The following RHEB variants were observed in gnomAD, a reference collection of about 807,000 sequenced individuals.
The protein encoded by RHEB is Ras homolog, mTORC1 binding.
Under a neutral mutation model 28.8 loss-of-function variants are expected in RHEB, and 2 were observed. That is an observed-to-expected ratio of 0.07 (90% CI 0.03 to 0.22). The LOEUF is 0.22. Among genes scored for constraint, RHEB ranks in the 10% least tolerant of loss-of-function variants. RHEB has a pLI of 1.00. For missense variants in RHEB, 76 were observed against 219.9 expected (o/e 0.35, Z 4.14); for synonymous variants, 69 against 77.3 (o/e 0.89, Z 0.56).
At position 151,502,828 on chromosome 7, in the gene RHEB, T is replaced by C. The variant is rs1802796625; in HGVS notation, c.53-11814A>G. 5.0e-6 allele frequency: 6 copies of C among 1,194,636 alleles called. No individual in the cohort carries two copies. In the African/African-American group the frequency reaches 6.0e-5, roughly 12 times the overall value. 74.0% of individuals were successfully genotyped at this position (1,194,636 alleles called of 1,614,324 possible). A position where few individuals can be genotyped will look rare whatever the true frequency, so the allele number is the denominator to read the frequency against. ...TTTCTGGGGACAAAGTGAATGTGGCTGGTCTAGTTTTAGCTGGATCTGCTG... is the reference window on the plus strand; with the variant it reads ...TTTCTGGGGACAAAGTGAATGTGGCCGGTCTAGTTTTAGCTGGATCTGCTG... On this transcript the variant is annotated intron_variant, in intron 1 of 7. Coordinates refer to ENST00000262187, the MANE Select transcript of RHEB (RefSeq NM_005614.4).
In RHEB at chr7:151,518,204, C is replaced by T. The variant is rs1179889045; in HGVS notation, c.52+1256G>A. On this transcript the variant is annotated intron_variant, in intron 1 of 7. Coordinates refer to ENST00000262187, the MANE Select transcript of RHEB (RefSeq NM_005614.4). ...CATCTCTAGCCAAGCTTCTTTCAGC[C>T]CTTAATTTCCCCCCGGCTCTCGACG... 5 of 152,402 alleles carry T rather than the reference C, an allele frequency of 3.3e-5. No homozygotes were observed. In the East Asian group the frequency reaches 9.6e-4, roughly 29 times the overall value. 9.4% of individuals were successfully genotyped at this position (152,402 alleles called of 1,614,324 possible).
chr7:151,472,610 CTTCCGTACT>C lies in RHEB; in HGVS notation c.276-1014_276-1006del. 6.6e-6 allele frequency among the ~76,000 whole-genome samples: 1 copy of C among 152,322 alleles called. No individual in the cohort carries two copies. The highest frequency in any genetic ancestry group is 2.1e-4 in the South Asian group (1 of 4,822). On this transcript the variant is annotated intron_variant, in intron 4 of 7. Transcript: ENST00000262187. This position sits in a 1 kb window ranked among gnomAD's most constrained non-coding sequence, Gnocchi z 5.2. ...CAAATTTCCTTTCCATTTCTTACCCCTTCCGTACTTTATTTTTCTTGGCAGCATGGTCAC... is the reference window on the plus strand; with the variant it reads ...CAAATTTCCTTTCCATTTCTTACCCCTTATTTTTCTTGGCAGCATGGTCAC...
intron 1 of RHEB, among the ~76,000 whole-genome samples, chr7:151,516,903 A>G (rs1369765060): frequency 6.6e-6 from 1 of 152,218 alleles, no homozygotes; most frequent in East Asian, 1.9e-4. Flanking sequence ...TCTCTGGTAC[A>G]GCACCACCAT....
chr7:151,515,831 T>C (rs754440498), intron 1 of RHEB, among the ~76,000 whole-genome samples: 4 of 152,246 alleles, frequency 2.6e-5, no homozygotes, highest in Non-Finnish European at 5.9e-5. Flanking sequence ...AATTGCCTTC[T>C]TCCAAACCAC....
At chr7:151,513,750 T>C (rs1803030083) in intron 1 of RHEB, among the ~76,000 whole-genome samples, 1 of 152,210 alleles carries the variant, frequency 6.6e-6, no homozygotes, top group Non-Finnish European at 1.5e-5. Flanking sequence ...GAAAAACTAT[T>C]CAAGTACTCC....
At chr7:151,482,477 G>A (rs940829001) in intron 3 of RHEB, among the ~76,000 whole-genome samples, 5 of 152,120 alleles carry the variant, frequency 3.3e-5, no homozygotes, top group African/African-American at 9.7e-5. Context: ...GTAACCCCAG[G>A]GCCCACACTC....
chr7:151,476,469 C>T (rs1802274736), intron 4 of RHEB, among the ~76,000 whole-genome samples: 2 of 152,340 alleles, frequency 1.3e-5, no homozygotes, highest in East Asian at 3.9e-4. Context: ...GGAGAGATGG[C>T]TATGAATCCC....
At chr7:151,475,413 T>C (rs1802254849) in intron 4 of RHEB, among the ~76,000 whole-genome samples, 1 of 152,174 alleles carries the variant, frequency 6.6e-6, no homozygotes, top group African/African-American at 2.4e-5. Flanking sequence ...AACAAAACAA[T>C]CTTTGAATCA....
At chr7:151,499,588 A>C (rs1802735179) in intron 1 of RHEB, among the ~76,000 whole-genome samples, 1 of 152,228 alleles carries the variant, frequency 6.6e-6, no homozygotes, top group Non-Finnish European at 1.5e-5. Flanking sequence ...TTCAGTAAAC[A>C]GTTATTCAAT....
At chr7:151,519,299 C>T in intron 1 of RHEB, 161 bp downstream of exon 1, 1 of 393,918 alleles carries the variant, frequency 2.5e-6, no homozygotes, top group Non-Finnish European at 3.9e-6. Context: ...CCGCCCCGAC[C>T]GCCACCACCT....
At chr7:151,517,083 G>A (rs1287404054) in intron 1 of RHEB, among the ~76,000 whole-genome samples, 1 of 152,166 alleles carries the variant, frequency 6.6e-6, no homozygotes, top group African/African-American at 2.4e-5. Context: ...ATCAAATGCG[G>A]CTGGGCATGG....
In RHEB at chr7:151,478,980, A is replaced by G. The variant is rs563268587; in HGVS notation, c.193-1565T>C. The stretch of plus-strand genomic sequence containing the variant: ...AGTCTCATTCTGTCACCCAGCCTGG[A>G]GTGCAGTGGCAGGAGCTACTGTGCC... On this transcript the variant is annotated intron_variant, in intron 3 of 7. Coordinates refer to ENST00000262187, the MANE Select transcript of RHEB (RefSeq NM_005614.4). Among the ~76,000 whole-genome samples, 6 of 151,928 alleles carry G rather than the reference A, an allele frequency of 3.9e-5. No homozygotes were observed. The South Asian group carries it at 1.3e-3, about 32-fold the overall frequency.
At chr7:151,494,257 G>C (rs1241963725) in intron 1 of RHEB, among the ~76,000 whole-genome samples, 1 of 152,210 alleles carries the variant, frequency 6.6e-6, no homozygotes, top group African/African-American at 2.4e-5. Flanking sequence ...CCCAAGCACT[G>C]GGCAACCAGG....
At chr7:151,476,709 A>G (rs1375292789) in intron 4 of RHEB, among the ~76,000 whole-genome samples, 3 of 152,238 alleles carry the variant, frequency 2.0e-5, no homozygotes, top group East Asian at 1.9e-4. Flanking sequence ...ATATTTTCAT[A>G]AAGTCTTCAA....
intron 1 of RHEB, among the ~76,000 whole-genome samples, chr7:151,508,662 T>A (rs1802930854): frequency 6.8e-6 from 1 of 146,842 alleles, no homozygotes; most frequent in Admixed American, 7.0e-5. Context: ...GACCTCAGCC[T>A]CCCACTTTTG....
rs1182809869 is a variant in RHEB, at chr7:151,468,592, A to T, written c.463-1381T>A. ...TTCTCCTCAAATGTTCCCCGTGCTTACGCTCAGCTGAAAACCTTGTTTTAC... is the reference window on the plus strand; with the variant it reads ...TTCTCCTCAAATGTTCCCCGTGCTTTCGCTCAGCTGAAAACCTTGTTTTAC... On this transcript the variant is annotated intron_variant, in intron 7 of 7. Coordinates refer to ENST00000262187, the MANE Select transcript of RHEB (RefSeq NM_005614.4). This position sits in a 1 kb window ranked among gnomAD's most constrained non-coding sequence, Gnocchi z 4.3. Among the ~76,000 whole-genome samples the T allele has an allele frequency of 6.6e-6, 1 of 152,254 alleles. No homozygotes were observed. The highest frequency in any genetic ancestry group is 2.4e-5 in the African/African-American group (1 of 41,474).
intron 1 of RHEB, among the ~76,000 whole-genome samples, chr7:151,514,511 G>C (rs1324434405): frequency 1.3e-5 from 2 of 152,138 alleles, no homozygotes; most frequent in East Asian, 3.9e-4. Flanking sequence ...GAAAAAGGCA[G>C]TGTAACAATT....
intron 1 of RHEB, among the ~76,000 whole-genome samples, chr7:151,518,518 G>A (rs996377361): frequency 3.3e-5 from 5 of 152,020 alleles, no homozygotes; most frequent in Admixed American, 1.3e-4. Context: ...TCCGGATGTC[G>A]GGAGACAATA....
intron 1 of RHEB, among the ~76,000 whole-genome samples, chr7:151,511,373 G>T (rs994970330): frequency 2.6e-5 from 4 of 152,166 alleles, no homozygotes; most frequent in African/African-American, 9.7e-5. Context: ...AGAGAAATGC[G>T]GGAGAGAAAG....
Sources: gnomAD v4.1 joint callset for allele counts (sites outside exome capture counted in the v4.1 genomes callset) on GRCh38, gnomAD v4.1.1 for gene constraint, Gnocchi (gnomAD v3.1) non-coding constraint, MANE v1.5 for transcripts, NCBI Gene and HGNC (gene_info 2026-07-23, HGNC 2026-07-21) for gene names.